SHC3: variants seen among roughly 807,000 people sequenced by gnomAD.
SHC3 encodes SHC-transforming protein 3.
SHC3 carries 15 observed loss-of-function variants against 60.4 expected under a neutral mutation model. That is an observed-to-expected ratio of 0.25 (90% CI 0.17 to 0.38). The LOEUF is 0.38. SHC3 is among the 10% of genes least tolerant of loss of function. SHC3 has a pLI of 1.00. For synonymous variants in SHC3, 294 were observed against 325.9 expected, an observed-to-expected ratio of 0.90 and a Z score of 1.05; for missense variants, 677 against 786.1, an observed-to-expected ratio of 0.86 and a Z score of 1.66.
intron 8 of SHC3, among the ~76,000 whole-genome samples, chr9:89,046,035 C>T (rs1045863511): frequency 4.6e-5 from 7 of 151,844 alleles, no homozygotes; most frequent in African/African-American, 1.5e-4. Context: ...GGCTGCATCT[C>T]CATCAAAACT....
At chr9:89,149,660 A>T (rs1826517840) in intron 1 of SHC3, among the ~76,000 whole-genome samples, 1 of 152,146 alleles carries the variant, frequency 6.6e-6, no homozygotes, top group South Asian at 2.1e-4. Context: ...CAAGTATTTT[A>T]TATTGAGGTA....
At chr9:89,118,800 C>T (rs548280201) in intron 1 of SHC3, among the ~76,000 whole-genome samples, 8 of 152,144 alleles carry the variant, frequency 5.3e-5, no homozygotes, top group South Asian at 2.1e-4. Context: ...GAGGGCAAAG[C>T]GAGGACTCAG....
chr9:89,149,516 C>T (rs1019826029), intron 1 of SHC3, among the ~76,000 whole-genome samples: 1 of 152,120 alleles, frequency 6.6e-6, no homozygotes. Flanking sequence ...ACACTAGGAT[C>T]CTGTCGTCTA....
At chr9:89,016,528 A>G (rs1481323114) in intron 11 of SHC3, among the ~76,000 whole-genome samples, 1 of 152,184 alleles carries the variant, frequency 6.6e-6, no homozygotes, top group Non-Finnish European at 1.5e-5. Flanking sequence ...TGAACCAATA[A>G]TTAATAACCT....
chr9:89,177,151 C>T (rs1356396031), intron 1 of SHC3, among the ~76,000 whole-genome samples: 1 of 152,186 alleles, frequency 6.6e-6, no homozygotes, highest in Admixed American at 6.5e-5. Flanking sequence ...AGGAAATAAC[C>T]GCGTGGCAGA....
chr9:89,142,723 A>C (rs1705353771), intron 1 of SHC3, among the ~76,000 whole-genome samples: 1 of 151,038 alleles, frequency 6.6e-6, no homozygotes, highest in African/African-American at 2.4e-5. Context: ...ACTCTGTCTT[A>C]GGAGAGATTC....
rs1170020836 is a variant in SHC3, at chr9:89,008,072, A to G, written c.*5375T>C. On this transcript the variant is annotated 3_prime_UTR_variant, in exon 12 of 12. Coordinates refer to ENST00000375835, the MANE Select transcript of SHC3 (RefSeq NM_016848.6). ...TAAGTATATGCGTATATGTATATAC[A>G]TATGCAATTCACATTCACAAGTCCT... 1 of 152,238 alleles carries G rather than the reference A, an allele frequency of 6.6e-6. No homozygotes were observed. The highest frequency in any genetic ancestry group is 6.5e-5 in the Admixed American group (1 of 15,286). The allele number at this position is 152,238 out of a possible 1,614,324, so 9.4% of individuals were successfully genotyped here.
rs1016985152 is a variant in SHC3, at chr9:89,032,649, C to T, written c.1656+5344G>A. On this transcript the variant is annotated intron_variant, in intron 11 of 11. Transcript: ENST00000375835. ...TAGAGTCAATATTCTTGACACCTTACGAACAGGGCTCAGAAGATGCCCCAC... is the reference window on the plus strand; with the variant it reads ...TAGAGTCAATATTCTTGACACCTTATGAACAGGGCTCAGAAGATGCCCCAC... Among the ~76,000 whole-genome samples, 12 of 152,154 alleles carry T rather than the reference C, an allele frequency of 7.9e-5. No individual in the cohort carries two copies. The East Asian group carries it at 1.3e-3, about 17-fold the overall frequency.
intron 10 of SHC3, among the ~76,000 whole-genome samples, chr9:89,040,243 C>T (rs370937067): frequency 7.1e-6 from 1 of 141,396 alleles, no homozygotes; most frequent in Non-Finnish European, 1.6e-5. Context: ...ACCACCACCA[C>T]CACCATCAAA....
chr9:89,149,212 T>C (rs1556384), intron 1 of SHC3, among the ~76,000 whole-genome samples: 141,012 of 152,234 alleles, frequency 0.93, 65,416 homozygotes, highest in East Asian at 0.98. Flanking sequence ...TTTCCTAAAA[T>C]TTGCACCAAT....
chr9:89,025,601 G>C (rs1033230705), intron 11 of SHC3, among the ~76,000 whole-genome samples: 1 of 152,156 alleles, frequency 6.6e-6, no homozygotes, highest in African/African-American at 2.4e-5. Context: ...TGGGAAGTGG[G>C]GGTCAGACAT....
intron 2 of SHC3, 143 bp downstream of exon 2, chr9:89,112,413 G>A: frequency 1.3e-6 from 1 of 752,432 alleles, no homozygotes; most frequent in South Asian, 1.8e-5. Context: ...CATGTCTTGA[G>A]ATGAGGACAG....
rs553745984 is a variant in SHC3 at position 89,062,730 on chromosome 9, T to C, written c.835+2799A>G. ...ATACACAGAGGGCTAGAAGCCCCAG[T>C]GTGGGGACTTTTAAGAGCCCAAATA... On this transcript the variant is annotated intron_variant, in intron 6 of 11. Coordinates refer to ENST00000375835, the MANE Select transcript of SHC3 (RefSeq NM_016848.6). 7.2e-5 allele frequency among the ~76,000 whole-genome samples: 11 copies of C among 152,330 alleles called. No individual in the cohort carries two copies. The South Asian group carries it at 2.3e-3, about 32-fold the overall frequency.
chr9:89,137,587 T>C (rs939753690), intron 1 of SHC3, among the ~76,000 whole-genome samples: 4 of 152,180 alleles, frequency 2.6e-5, no homozygotes, highest in African/African-American at 9.7e-5. Context: ...AACTGCACTA[T>C]TATTAAAAAT....
At chr9:89,099,732 C>T (rs114191645) in intron 2 of SHC3, among the ~76,000 whole-genome samples, 1 of 152,142 alleles carries the variant, frequency 6.6e-6, no homozygotes, top group Non-Finnish European at 1.5e-5. Context: ...ACTGTGAAGA[C>T]ACCGTGAATA....
intron 1 of SHC3, among the ~76,000 whole-genome samples, chr9:89,116,853 T>C (rs62547211): frequency 0.016 from 2,390 of 152,152 alleles, 34 homozygotes; most frequent in Non-Finnish European, 0.024. Flanking sequence ...CAGAGTGCTG[T>C]TTATACCACA....
At chr9:89,145,877 TAA>T (rs1826461056) in intron 1 of SHC3, among the ~76,000 whole-genome samples, 2 of 152,194 alleles carry the variant, frequency 1.3e-5, no homozygotes, top group South Asian at 2.1e-4. Context: ...GTTAAACTGT[TAA>T]GTTTTATATG....
chr9:89,142,983 G>T (rs1369246454), intron 1 of SHC3, among the ~76,000 whole-genome samples: 1 of 152,120 alleles, frequency 6.6e-6, no homozygotes, highest in Admixed American at 6.5e-5. Flanking sequence ...GATGTTACCA[G>T]AAATGGGTCC....
intron 11 of SHC3, among the ~76,000 whole-genome samples, chr9:89,024,590 C>T (rs1458659009): frequency 1.3e-5 from 2 of 152,232 alleles, no homozygotes; most frequent in South Asian, 2.1e-4. Context: ...AGATGGCTAT[C>T]GCGAGTCCTG....
Sources: gnomAD v4.1 joint callset for allele counts (sites outside exome capture counted in the v4.1 genomes callset) on GRCh38, gnomAD v4.1.1 for gene constraint, MANE v1.5 for transcripts, NCBI Gene and HGNC (gene_info 2026-07-23, HGNC 2026-07-21) for gene names.